The following ABLIM1 variants were observed in gnomAD, a reference collection of about 807,000 sequenced individuals.
The protein encoded by ABLIM1 is actin binding LIM protein 1, also known as actin-binding LIM protein 1.
Under a neutral mutation model 107.0 loss-of-function variants are expected in ABLIM1, and 40 were observed. The observed-to-expected ratio is 0.37, with a 90% CI of 0.29 to 0.49. The LOEUF (loss-of-function observed/expected upper bound fraction) is 0.49. Ranked by LOEUF, ABLIM1 falls within the 20% of genes least tolerant of loss-of-function variation. The pLI is 0.97. For missense variants in ABLIM1, 857 were observed against 1,008.5 expected, an observed-to-expected ratio of 0.85 and a Z score of 2.04; for synonymous variants, 357 against 357.3, an observed-to-expected ratio of 1.00 and a Z score of 0.01.
At chr10:114,548,886 T>A (rs2067687992) in intron 4 of ABLIM1, among the ~76,000 whole-genome samples, 1 of 152,052 alleles carries the variant, frequency 6.6e-6, no homozygotes, top group Non-Finnish European at 1.5e-5. Flanking sequence ...CAAGACAGAG[T>A]CCACTTGGTA....
At position 114,465,685 on chromosome 10, in the gene ABLIM1, C is replaced by T. The variant is rs2065002238; in HGVS notation, c.1441+13G>A. 1 of 1,613,386 alleles carries T rather than the reference C, an allele frequency of 6.2e-7. No homozygotes were observed. Among genetic ancestry groups the T allele is most frequent in the Non-Finnish European group, 8.5e-7 (1 of 1,179,698 alleles). The stretch of plus-strand genomic sequence containing the variant: ...TTGTTATATAGAGTGAATCCAGGAA[C>T]AGTCACCCTTACCAGGTCTGTGGAA... On this transcript the variant is annotated intron_variant, in intron 12 of 22. Transcript: ENST00000533213.
intron 1 of ABLIM1, among the ~76,000 whole-genome samples, chr10:114,731,183 C>G (rs111584523): frequency 0.054 from 8,267 of 152,176 alleles, 368 homozygotes; most frequent in African/African-American, 0.11. Context: ...CTCTGTCGCC[C>G]AGGCTGGAGT....
intron 1 of ABLIM1, chr10:114,615,720 C>T: frequency 2.8e-6 from 1 of 356,106 alleles, no homozygotes; most frequent in East Asian, 7.6e-5. Context: ...CTTGGGTTCA[C>T]CAACAGTGTC....
chr10:114,523,044 C>T (rs761663504), intron 6 of ABLIM1, among the ~76,000 whole-genome samples: 1 of 151,936 alleles, frequency 6.6e-6, no homozygotes, highest in Non-Finnish European at 1.5e-5. Flanking sequence ...CCCAGTTACT[C>T]GGAGGGTGAG....
chr10:114,452,847 C>T (rs770764548), intron 13 of ABLIM1, among the ~76,000 whole-genome samples: 6 of 152,226 alleles, frequency 3.9e-5, no homozygotes, highest in Non-Finnish European at 5.9e-5. Context: ...GATATCTTCA[C>T]GGGCTATGGA....
the ABLIM1 span, among the ~76,000 whole-genome samples, chr10:114,794,269 G>C: frequency 6.6e-6 from 1 of 152,258 alleles, no homozygotes; most frequent in African/African-American, 2.4e-5. Flanking sequence ...ACTACATTTA[G>C]TCACCATTTG....
At chr10:114,584,296 A>G (rs1377379986) in intron 2 of ABLIM1, among the ~76,000 whole-genome samples, 2 of 152,058 alleles carry the variant, frequency 1.3e-5, no homozygotes, top group Non-Finnish European at 2.9e-5. Context: ...CGAATACCAA[A>G]TGCTTCCCAT....
At chr10:114,578,283 C>T (rs2072867518) in intron 2 of ABLIM1, among the ~76,000 whole-genome samples, 1 of 152,226 alleles carries the variant, frequency 6.6e-6, no homozygotes, top group Non-Finnish European at 1.5e-5. Context: ...CAAACACACC[C>T]TTTCCTCACA....
chr10:114,518,080 T>G (rs1473052553), intron 6 of ABLIM1, among the ~76,000 whole-genome samples: 1 of 152,194 alleles, frequency 6.6e-6, no homozygotes, highest in Non-Finnish European at 1.5e-5. Context: ...ACTGAGTTAC[T>G]GCCAAGTGAA....
intron 1 of ABLIM1, among the ~76,000 whole-genome samples, chr10:114,764,103 C>T (rs1446643349): frequency 1.3e-5 from 2 of 152,164 alleles, no homozygotes; most frequent in Non-Finnish European, 2.9e-5. Flanking sequence ...AAACTCTATT[C>T]CAAGTGTTAT....
intron 1 of ABLIM1, among the ~76,000 whole-genome samples, chr10:114,720,436 G>A (rs2081814377): frequency 6.6e-6 from 1 of 152,142 alleles, no homozygotes; most frequent in South Asian, 2.1e-4. Flanking sequence ...CTAGGTCTTT[G>A]AGGAATCACC....
At chr10:114,641,826 G>A (rs1591705203) in intron 1 of ABLIM1, among the ~76,000 whole-genome samples, 1 of 152,232 alleles carries the variant, frequency 6.6e-6, no homozygotes, top group South Asian at 2.1e-4. Context: ...TTAGTGAGGT[G>A]GAGGAGTTAG....
intron 20 of ABLIM1, 40 bp from the exon 21 acceptor site, chr10:114,439,290 G>C (rs1409666861): frequency 1.2e-6 from 2 of 1,610,458 alleles, no homozygotes; most frequent in African/African-American, 1.3e-5. Context: ...GCATGAAATA[G>C]TCTAGGAAAC....
chr10:114,636,852 G>A (rs2078504573), intron 1 of ABLIM1, among the ~76,000 whole-genome samples: 1 of 151,996 alleles, frequency 6.6e-6, no homozygotes, highest in Non-Finnish European at 1.5e-5. Context: ...GGCCAACACG[G>A]TGAAACCCCA....
intron 7 of ABLIM1, among the ~76,000 whole-genome samples, chr10:114,491,397 A>C (rs2058981588): frequency 6.6e-6 from 1 of 152,174 alleles, no homozygotes; most frequent in South Asian, 2.1e-4. Context: ...GGAGAAAAAA[A>C]GTAGCCATCA....
At chr10:114,556,114 A>C (rs554929597) in intron 4 of ABLIM1, among the ~76,000 whole-genome samples, 2 of 152,262 alleles carry the variant, frequency 1.3e-5, no homozygotes, top group South Asian at 2.1e-4. Context: ...GGTTTGGGTA[A>C]GTTGAGGTCC....
At chr10:114,637,577 T>G (rs951886772) in intron 1 of ABLIM1, among the ~76,000 whole-genome samples, 1 of 152,244 alleles carries the variant, frequency 6.6e-6, no homozygotes, top group Non-Finnish European at 1.5e-5. Flanking sequence ...CATGGTCTTT[T>G]TCAAAAGCCA....
chr10:114,546,524 A>G (rs1469702611), intron 5 of ABLIM1, among the ~76,000 whole-genome samples: 1 of 151,830 alleles, frequency 6.6e-6, no homozygotes, highest in African/African-American at 2.4e-5. Flanking sequence ...CGAACTCTCA[A>G]CCTCAGGTGA....
intron 1 of ABLIM1, among the ~76,000 whole-genome samples, chr10:114,638,067 T>C (rs558382950): frequency 6.6e-6 from 1 of 152,344 alleles, no homozygotes; most frequent in East Asian, 1.9e-4. Context: ...ATATCTATTT[T>C]TGCAAAAGGT....
Sources: allele counts gnomAD v4.1 joint callset (sites outside exome capture counted in the v4.1 genomes callset), GRCh38; gene constraint gnomAD v4.1.1; transcripts MANE v1.5; gene names NCBI Gene and HGNC (gene_info 2026-07-23, HGNC 2026-07-21).